Variants in DLG2 observed in about 807,000 individuals in gnomAD.
DLG2 encodes discs large MAGUK scaffold protein 2.
DLG2 carries 45 observed loss-of-function variants against 132.5 expected under a neutral mutation model. That is an observed-to-expected ratio of 0.34 (90% CI 0.27 to 0.44). The LOEUF (loss-of-function observed/expected upper bound fraction) is 0.44, where lower values mean the gene tolerates loss of function less well. DLG2 is among the 20% of genes least tolerant of loss of function. The pLI is 1.00. For synonymous variants in DLG2, 424 were observed against 419.6 expected (o/e 1.01, Z -0.13); for missense variants, 1,045 against 1,196.9 (o/e 0.87, Z 1.87).
At chr11:84,551,561 CTGTTT>C (rs2099401932) in intron 6 of DLG2, among the ~76,000 whole-genome samples, 1 of 152,154 alleles carries the variant, frequency 6.6e-6, no homozygotes, top group Admixed American at 6.5e-5. Context: ...GGAGTAGTTA[CTGTTT>C]TATTTCCCTC....
chr11:83,465,251 A>G (rs2090805614), intron 26 of DLG2, among the ~76,000 whole-genome samples: 1 of 152,144 alleles, frequency 6.6e-6, no homozygotes, highest in African/African-American at 2.4e-5. Context: ...CTTTCAAGGT[A>G]CATCTCTGGC....
intron 17 of DLG2, among the ~76,000 whole-genome samples, chr11:83,823,207 G>T (rs1481048497): frequency 6.6e-6 from 1 of 152,112 alleles, no homozygotes; most frequent in Non-Finnish European, 1.5e-5. Context: ...GGATGATCAA[G>T]TCGATGATCA....
rs180819031 is a variant in DLG2, at chr11:85,265,372, T to A, written c.186+19848A>T. On this transcript the variant is annotated intron_variant, in intron 4 of 27. Transcript: ENST00000376104. ...AAACAATCATAAAGGCAAATTTTTT[T>A]ATATTTATGTACAGGCTAAGTGGGA... Among the ~76,000 whole-genome samples, 435 of 152,348 alleles carry A rather than the reference T, an allele frequency of 2.9e-3. 2 individuals carry two copies. The highest frequency in any genetic ancestry group is 0.01 in the African/African-American group (419 of 41,578).
chr11:84,980,524 T>C (rs1215675894), intron 6 of DLG2, among the ~76,000 whole-genome samples: 1 of 152,124 alleles, frequency 6.6e-6, no homozygotes, highest in Non-Finnish European at 1.5e-5. Context: ...TCACATCAGA[T>C]AAGACCCTTC....
At chr11:84,506,777 A>G (rs1404132885) in intron 7 of DLG2, among the ~76,000 whole-genome samples, 1 of 152,184 alleles carries the variant, frequency 6.6e-6, no homozygotes, top group Non-Finnish European at 1.5e-5. Context: ...TATGTGTAGT[A>G]TCTGAAAAAA....
chr11:84,453,571 C>T lies in DLG2; in HGVS notation c.519+80999G>A, dbSNP rs111701890. ...GGTTTATATTGTAGATATTTTGCTT[C>T]GTGTGGTTAAGATGACTACCAAATC... is the stretch of plus-strand genomic sequence containing the variant. On this transcript the variant is annotated intron_variant, in intron 7 of 27. Transcript: ENST00000376104. Among the ~76,000 whole-genome samples the T allele has an allele frequency of 2.8e-3, 425 of 151,676 alleles. 1 individual carries two copies. The highest frequency in any genetic ancestry group is 5.1e-3 in the Non-Finnish European group (347 of 67,706).
At chr11:84,069,318 A>G (rs986678641) in intron 10 of DLG2, among the ~76,000 whole-genome samples, 6 of 152,226 alleles carry the variant, frequency 3.9e-5, no homozygotes, top group Non-Finnish European at 8.8e-5. Flanking sequence ...TGAGTATGTG[A>G]TAAAAGTCCT....
chr11:83,827,705 G>A (rs1052578695), intron 17 of DLG2, among the ~76,000 whole-genome samples: 1 of 151,780 alleles, frequency 6.6e-6, no homozygotes, highest in East Asian at 1.9e-4. Flanking sequence ...TCTTTCTAGG[G>A]GTATTGCTTC....
chr11:84,839,990 G>A (rs2080392302), intron 6 of DLG2, among the ~76,000 whole-genome samples: 2 of 152,160 alleles, frequency 1.3e-5, no homozygotes, highest in Admixed American at 1.3e-4. Context: ...ATTGACAGAT[G>A]AGATCCAATT....
intron 7 of DLG2, among the ~76,000 whole-genome samples, chr11:84,520,634 G>A (rs1422074575): frequency 6.6e-6 from 1 of 151,994 alleles, no homozygotes; most frequent in East Asian, 1.9e-4. Flanking sequence ...TCTTTATCAT[G>A]TGTTTCTCTT....
chr11:84,383,149 C>T (rs907320048), intron 7 of DLG2, among the ~76,000 whole-genome samples: 1 of 152,040 alleles, frequency 6.6e-6, no homozygotes, highest in African/African-American at 2.4e-5. Context: ...GACTTACCTT[C>T]TCAATACTCT....
chr11:84,127,578 A>G (rs556278340), intron 9 of DLG2, among the ~76,000 whole-genome samples: 1 of 152,270 alleles, frequency 6.6e-6, no homozygotes, highest in East Asian at 1.9e-4. Context: ...TGGCAGATGC[A>G]TCACTCTGAT....
At chr11:84,199,838 T>C (rs12288771) in intron 8 of DLG2, among the ~76,000 whole-genome samples, 2,860 of 152,088 alleles carry the variant, frequency 0.019, 108 homozygotes, top group African/African-American at 0.065. Context: ...TTCATGCAGC[T>C]GGAGTCTCAG....
chr11:84,095,714 C>G (rs1437578759), intron 10 of DLG2, among the ~76,000 whole-genome samples: 1 of 152,188 alleles, frequency 6.6e-6, no homozygotes, highest in Non-Finnish European at 1.5e-5. Context: ...GAATCCCACT[C>G]TATAAAATGT....
rs397968137 is a variant in DLG2 at position 84,259,263 on chromosome 11, GAA to G, written c.520-7974_520-7973del. ...CTCCAGCCTGGGGAGACTGTGTCTC[GAA>G]AAAAAAAAAAAAAAAGGTTCTTAGG... On this transcript the variant is annotated intron_variant, in intron 7 of 27. Transcript: ENST00000376104. 8.1e-4 allele frequency among the ~76,000 whole-genome samples: 79 copies of G among 97,272 alleles called. 1 individual carries two copies. The South Asian group carries it at 0.022, about 27-fold the overall frequency. 63.8% of individuals were successfully genotyped at this position (97,272 alleles called of 152,430 possible).
At chr11:84,709,192 A>C (rs1261963754) in intron 6 of DLG2, among the ~76,000 whole-genome samples, 1 of 151,876 alleles carries the variant, frequency 6.6e-6, no homozygotes, top group Non-Finnish European at 1.5e-5. Context: ...GATAAATGAA[A>C]CCTTATCTAG....
At chr11:83,894,685 A>G (rs536848849) in intron 15 of DLG2, among the ~76,000 whole-genome samples, 1 of 152,196 alleles carries the variant, frequency 6.6e-6, no homozygotes, top group Non-Finnish European at 1.5e-5. Context: ...CTATTTTTAA[A>G]TGTACAACAA....
At chr11:84,604,875 A>G (rs2099582655) in intron 6 of DLG2, among the ~76,000 whole-genome samples, 1 of 152,004 alleles carries the variant, frequency 6.6e-6, no homozygotes, top group Admixed American at 6.6e-5. Flanking sequence ...AGAAAGGTCG[A>G]TAGATTTAAA....
At chr11:84,302,728 A>G (rs986053364) in intron 7 of DLG2, among the ~76,000 whole-genome samples, 1 of 152,210 alleles carries the variant, frequency 6.6e-6, no homozygotes, top group Admixed American at 6.5e-5. Flanking sequence ...TTTTTTAAGT[A>G]GCTAAAATAT....
Sources: gnomAD v4.1 joint callset for allele counts (sites outside exome capture counted in the v4.1 genomes callset) on GRCh38, gnomAD v4.1.1 for gene constraint, MANE v1.5 for transcripts, NCBI Gene and HGNC (gene_info 2026-07-23, HGNC 2026-07-21) for gene names.